The following STPG2 variants were observed in gnomAD, a reference collection of about 807,000 sequenced individuals.
The protein encoded by STPG2 is sperm tail PG-rich repeat containing 2.
A neutral mutation model predicts 54.2 loss-of-function variants in STPG2; 56 were observed. The ratio of observed to expected loss-of-function variants is 1.03; its 90% CI spans 0.83 to 1.29. The LOEUF (loss-of-function observed/expected upper bound fraction) is 1.29. Among genes scored for constraint, STPG2 ranks in the 50% most tolerant of loss-of-function variants. The pLI, the probability that STPG2 is intolerant of heterozygous loss-of-function variation, is 0.00. For synonymous variants in STPG2, 200 were observed against 181.8 expected (o/e 1.10, Z -0.81); for missense variants, 596 against 544.9 (o/e 1.09, Z -0.93).
intron 8 of STPG2, among the ~76,000 whole-genome samples, chr4:97,940,831 T>G (rs1732948618): frequency 6.6e-6 from 1 of 152,114 alleles, no homozygotes; most frequent in Non-Finnish European, 1.5e-5. Flanking sequence ...TCCTGCCTCT[T>G]GAAGAATATG....
At chr4:97,716,798 GTGCCTATGGC>G (rs1724304591) in intron 9 of STPG2, among the ~76,000 whole-genome samples, 1 of 150,994 alleles carries the variant, frequency 6.6e-6, no homozygotes, top group Admixed American at 6.6e-5. Flanking sequence ...ATGGCACGTG[GTGCCTATGGC>G]CACGTGCCAT....
intron 9 of STPG2, among the ~76,000 whole-genome samples, chr4:97,775,112 T>C (rs1359506607): frequency 6.6e-6 from 1 of 152,100 alleles, no homozygotes; most frequent in Non-Finnish European, 1.5e-5. Flanking sequence ...CCTGTTGTGA[T>C]AAAAAGGGCG....
intron 4 of STPG2, among the ~76,000 whole-genome samples, chr4:97,483,627 G>C (rs2148822577): frequency 6.6e-6 from 1 of 151,776 alleles, no homozygotes; most frequent in African/African-American, 2.4e-5. Flanking sequence ...ATAGTAGTGG[G>C]GGACTTCACT....
intron 9 of STPG2, among the ~76,000 whole-genome samples, chr4:97,821,515 C>T (rs1728089822): frequency 6.6e-6 from 1 of 152,154 alleles, no homozygotes; most frequent in African/African-American, 2.4e-5. Flanking sequence ...TAGGCAGTGC[C>T]CCAGCGGGGA....
intron 9 of STPG2, among the ~76,000 whole-genome samples, chr4:97,755,296 T>C (rs1725695051): frequency 6.6e-6 from 1 of 152,050 alleles, no homozygotes; most frequent in South Asian, 2.1e-4. Context: ...GCAAGCAGAG[T>C]CTAACATGTA....
chr4:98,129,211 A>G (rs1180049424), intron 2 of STPG2, among the ~76,000 whole-genome samples: 1 of 152,214 alleles, frequency 6.6e-6, no homozygotes, highest in African/African-American at 2.4e-5. Flanking sequence ...TGCTTAGTAA[A>G]GCCACCATTA....
intron 8 of STPG2, among the ~76,000 whole-genome samples, chr4:97,866,858 T>C (rs1729805472): frequency 6.6e-6 from 1 of 151,920 alleles, no homozygotes; most frequent in Non-Finnish European, 1.5e-5. Context: ...ATTTCTTTGC[T>C]GGGGAGAATA....
intron 4 of STPG2, among the ~76,000 whole-genome samples, chr4:97,448,487 G>T (rs188851227): frequency 2.4e-4 from 37 of 152,130 alleles, no homozygotes; most frequent in Admixed American, 5.2e-4. Flanking sequence ...CCCCCATGCT[G>T]TTCTCATGAT....
chr4:97,898,356 C>A (rs1026709701), intron 8 of STPG2, among the ~76,000 whole-genome samples: 2 of 148,420 alleles, frequency 1.3e-5, no homozygotes, highest in Non-Finnish European at 3.0e-5. Context: ...TCTTAATTAC[C>A]AATAAGTTGT....
chr4:97,922,427 GA>G (rs1487318001), intron 8 of STPG2, among the ~76,000 whole-genome samples: 3 of 151,952 alleles, frequency 2.0e-5, no homozygotes, highest in African/African-American at 4.8e-5. Flanking sequence ...GGCCAGAGAT[GA>G]AAAAAATGAC....
intron 4 of STPG2, among the ~76,000 whole-genome samples, chr4:97,532,893 T>A (rs1731445130): frequency 6.6e-6 from 1 of 152,282 alleles, no homozygotes; most frequent in East Asian, 1.9e-4. Context: ...TCTTTTCTTT[T>A]TTCTTTTGAG....
At chr4:98,118,584 T>C (rs753673678) in intron 3 of STPG2, among the ~76,000 whole-genome samples, 4 of 152,162 alleles carry the variant, frequency 2.6e-5, no homozygotes, top group African/African-American at 9.7e-5. Flanking sequence ...GATTTCTTAC[T>C]CTGTCCATTG....
rs201305178 is a variant in STPG2, at chr4:97,882,086, G to A, written c.1045-41154C>T. On this transcript the variant is annotated intron_variant, in intron 8 of 10. Transcript: ENST00000295268. Reference sequence around the variant, plus strand: ...CCTGTTTATCTGGAGTGCAGTACAGGAGGATGATGAGAAACACCACATAAG... The same window carrying A: ...CCTGTTTATCTGGAGTGCAGTACAGAAGGATGATGAGAAACACCACATAAG... 3.3e-5 allele frequency among the ~76,000 whole-genome samples: 5 copies of A among 152,266 alleles called. No homozygotes were observed. The East Asian group carries it at 9.7e-4, about 29-fold the overall frequency.
chr4:97,929,809 C>T lies in STPG2; in HGVS notation c.1044+14088G>A, dbSNP rs6830073. Among the ~76,000 whole-genome samples the T allele has an allele frequency of 3.1e-3, 468 of 152,288 alleles. 3 individuals carry two copies. Among genetic ancestry groups the T allele is most frequent in the African/African-American group, 0.011 (456 of 41,556 alleles). On this transcript the variant is annotated intron_variant, in intron 8 of 10. Transcript: ENST00000295268. ...CAGACGGGTAGATTGCAATAATTCC[C>T]TCCCATTCTGTAGGCTGTCTGCTCA...
chr4:97,983,728 G>A (rs547289737), intron 5 of STPG2, among the ~76,000 whole-genome samples: 2 of 152,288 alleles, frequency 1.3e-5, no homozygotes, highest in Non-Finnish European at 2.9e-5. Context: ...CTGGGCACTT[G>A]ATGTGTCCCT....
chr4:97,549,168 T>C (rs1731910234), intron 4 of STPG2, among the ~76,000 whole-genome samples: 2 of 152,174 alleles, frequency 1.3e-5, no homozygotes, highest in Non-Finnish European at 2.9e-5. Context: ...TCAAATGTTA[T>C]TTAGCCCAGC....
chr4:97,649,720 G>T (rs1447804065), intron 10 of STPG2, among the ~76,000 whole-genome samples: 1 of 152,040 alleles, frequency 6.6e-6, no homozygotes, highest in East Asian at 1.9e-4. Context: ...TAACAGACCA[G>T]TTCAATTGTA....
Position 97,701,778 on chromosome 4 carries a change from A to G in STPG2, c.1320+10921T>C, listed in dbSNP as rs76021623. On this transcript the variant is annotated intron_variant, in intron 10 of 10. Transcript: ENST00000295268. ...TAATTAGCCAATCCCATAGCTCTAC[A>G]TAAGTCAGACTATTCTGACTGCTGC... Among the ~76,000 whole-genome samples, 8 of 152,338 alleles carry G rather than the reference A, an allele frequency of 5.3e-5. No homozygotes were observed. In the East Asian group the frequency reaches 1.5e-3, roughly 29 times the overall value.
chr4:97,571,757 T>C (rs191660711), intron 10 of STPG2, among the ~76,000 whole-genome samples: 10 of 152,282 alleles, frequency 6.6e-5, no homozygotes, highest in Admixed American at 3.3e-4. Context: ...CCCGACCACC[T>C]TGGACACAAG....
Sources: allele counts gnomAD v4.1 joint callset (sites outside exome capture counted in the v4.1 genomes callset), GRCh38; gene constraint gnomAD v4.1.1; transcripts MANE v1.5; gene names NCBI Gene and HGNC (gene_info 2026-07-23, HGNC 2026-07-21).